Variants in GAREM1 observed in about 807,000 individuals in gnomAD.
The protein encoded by GAREM1 is GRB2 associated regulator of MAPK1 subtype 1.
A neutral mutation model predicts 71.3 loss-of-function variants in GAREM1; 26 were observed. The ratio of observed to expected loss-of-function variants is 0.36; its 90% CI spans 0.27 to 0.51. GAREM1 has a LOEUF of 0.51. Ranked by LOEUF, GAREM1 falls within the 20% of genes least tolerant of loss-of-function variation. GAREM1 has a pLI of 0.95. For missense variants in GAREM1, 1,026 were observed against 1,103.1 expected, an observed-to-expected ratio of 0.93 and a Z score of 0.99; for synonymous variants, 440 against 433.2, an observed-to-expected ratio of 1.02 and a Z score of -0.20.
At chr18:32,445,342 A>G (rs1275033500) in intron 1 of GAREM1, among the ~76,000 whole-genome samples, 1 of 139,946 alleles carries the variant, frequency 7.1e-6, no homozygotes, top group Non-Finnish European at 1.5e-5. Flanking sequence ...AAGGCTAAAG[A>G]GCTATTATCT....
intron 1 of GAREM1, among the ~76,000 whole-genome samples, chr18:32,431,410 A>C (rs958178496): frequency 1.3e-5 from 2 of 152,158 alleles, no homozygotes; most frequent in African/African-American, 4.8e-5. Flanking sequence ...CAGGCGGATC[A>C]CGAGGCCTGG....
chr18:32,415,573 G>A lies in GAREM1; in HGVS notation c.122-22538C>T, dbSNP rs191476330. 2.6e-5 allele frequency among the ~76,000 whole-genome samples: 4 copies of A among 151,934 alleles called. No individual in the cohort carries two copies. The East Asian group carries it at 5.8e-4, about 22-fold the overall frequency. ...GGGATGCAAGCACAGTTCAACACAC[G>A]GAAATCAATCAATGTGACACATCAT... On this transcript the variant is annotated intron_variant, in intron 1 of 5. Coordinates refer to ENST00000269209, the MANE Select transcript of GAREM1 (RefSeq NM_001242409.2).
At chr18:32,355,203 A>G (rs2144598765) in intron 2 of GAREM1, among the ~76,000 whole-genome samples, 1 of 152,318 alleles carries the variant, frequency 6.6e-6, no homozygotes, top group African/African-American at 2.4e-5. Flanking sequence ...ACTTGTGTCT[A>G]ATTATGGTAT....
intron 2 of GAREM1, among the ~76,000 whole-genome samples, chr18:32,319,730 T>G (rs183307751): frequency 7.2e-5 from 11 of 152,346 alleles, no homozygotes; most frequent in African/African-American, 2.4e-4. Flanking sequence ...TAGTCTCTTG[T>G]ACATCTGTCC....
chr18:32,426,689 C>T (rs2048579296), intron 1 of GAREM1, among the ~76,000 whole-genome samples: 1 of 152,140 alleles, frequency 6.6e-6, no homozygotes, highest in African/African-American at 2.4e-5. Context: ...TATGACTTGA[C>T]TGGCTAATGA....
At chr18:32,355,659 G>T (rs1368608214) in intron 2 of GAREM1, among the ~76,000 whole-genome samples, 5 of 151,990 alleles carry the variant, frequency 3.3e-5, no homozygotes, top group Non-Finnish European at 7.4e-5. Flanking sequence ...GGGGGAACTT[G>T]GACTTTTTTC....
At position 32,309,459 on chromosome 18, in the gene GAREM1, C is replaced by CA. The variant is rs573481458; in HGVS notation, c.393+733dup. On this transcript the variant is annotated intron_variant, in intron 3 of 5. Transcript: ENST00000269209. ...TGAAACCCCATCTCTACTAAAAATA[C>CA]AAAAAAAATAGCTGGGCGTGGCGGT... Among the ~76,000 whole-genome samples the CA allele has an allele frequency of 6.7e-4, 100 of 148,792 alleles. 3 individuals carry two copies. In the East Asian group the frequency reaches 0.014, roughly 20 times the overall value.
chr18:32,455,801 G>T (rs747748792), intron 1 of GAREM1, among the ~76,000 whole-genome samples: 1 of 152,078 alleles, frequency 6.6e-6, no homozygotes, highest in Non-Finnish European at 1.5e-5. Flanking sequence ...ATTGTTTTCC[G>T]ATTTCATTAA....
chr18:32,341,997 T>C (rs972309050), intron 2 of GAREM1, among the ~76,000 whole-genome samples: 6 of 151,944 alleles, frequency 3.9e-5, no homozygotes, highest in South Asian at 2.1e-4. Flanking sequence ...AACACTGATA[T>C]TGCAGGCCAC....
At chr18:32,325,405 G>C (rs538381910) in intron 2 of GAREM1, among the ~76,000 whole-genome samples, 1 of 152,118 alleles carries the variant, frequency 6.6e-6, no homozygotes, top group South Asian at 2.1e-4. Context: ...CAGGTTCATC[G>C]ATTGTCACAA....
At chr18:32,319,141 T>C (rs2144535068) in intron 2 of GAREM1, among the ~76,000 whole-genome samples, 1 of 152,222 alleles carries the variant, frequency 6.6e-6, no homozygotes, top group South Asian at 2.1e-4. Context: ...ACAGACAAAC[T>C]TAGATGGTTC....
chr18:32,291,344 T>A (rs1160602977), intron 3 of GAREM1, among the ~76,000 whole-genome samples: 11 of 139,424 alleles, frequency 7.9e-5, no homozygotes, highest in South Asian at 2.2e-4. Flanking sequence ...ACCAAAAACA[T>A]GCACAAGGAA....
At chr18:32,469,784 G>C (rs1163507870) in intron 1 of GAREM1, among the ~76,000 whole-genome samples, 2 of 152,126 alleles carry the variant, frequency 1.3e-5, no homozygotes, top group Non-Finnish European at 2.9e-5. Flanking sequence ...ACTTTCAGTT[G>C]GGTTAAACAA....
chr18:32,469,345 C>A (rs1159258653), intron 1 of GAREM1, among the ~76,000 whole-genome samples: 1 of 152,160 alleles, frequency 6.6e-6, no homozygotes, highest in Non-Finnish European at 1.5e-5. Flanking sequence ...TGCCTGCCAG[C>A]CTGGGCCCGT....
At chr18:32,466,987 A>G (rs1351374319) in intron 1 of GAREM1, among the ~76,000 whole-genome samples, 1 of 152,220 alleles carries the variant, frequency 6.6e-6, no homozygotes, top group East Asian at 1.9e-4. Flanking sequence ...AGGATGTAAT[A>G]TTGAACACAT....
chr18:32,446,840 C>T lies in GAREM1; in HGVS notation c.121+23468G>A, dbSNP rs187548755. Among the ~76,000 whole-genome samples the T allele has an allele frequency of 3.3e-3, 499 of 152,282 alleles. 2 individuals carry two copies. Among genetic ancestry groups the T allele is most frequent in the Admixed American group, 4.8e-3 (74 of 15,286 alleles). Reference sequence around the variant, plus strand: ...TAAATAAATGTGGGGATTAAAACTTCAAGACACTGGGATCATAAAACTCTC... The same window carrying T: ...TAAATAAATGTGGGGATTAAAACTTTAAGACACTGGGATCATAAAACTCTC... On this transcript the variant is annotated intron_variant, in intron 1 of 5. Coordinates refer to ENST00000269209, the MANE Select transcript of GAREM1 (RefSeq NM_001242409.2).
chr18:32,444,395 G>A (rs2048768069), intron 1 of GAREM1, among the ~76,000 whole-genome samples: 1 of 152,188 alleles, frequency 6.6e-6, no homozygotes, highest in Non-Finnish European at 1.5e-5. Context: ...TTGCTTAAAT[G>A]CCAATGGCTC....
chr18:32,466,310 G>A (rs1411933019), intron 1 of GAREM1, among the ~76,000 whole-genome samples: 4 of 152,000 alleles, frequency 2.6e-5, no homozygotes, highest in Non-Finnish European at 5.9e-5. Flanking sequence ...AAGAAAAGGT[G>A]TAAAATGTTT....
intron 2 of GAREM1, among the ~76,000 whole-genome samples, chr18:32,380,989 T>A (rs544271758): frequency 6.6e-6 from 1 of 152,000 alleles, no homozygotes; most frequent in South Asian, 2.1e-4. Flanking sequence ...CATCAGACTT[T>A]TCTAGATTTT....
Sources: gnomAD v4.1 joint callset for allele counts (sites outside exome capture counted in the v4.1 genomes callset) on GRCh38, gnomAD v4.1.1 for gene constraint, MANE v1.5 for transcripts, NCBI Gene and HGNC (gene_info 2026-07-23, HGNC 2026-07-21) for gene names.